The following CDK14 variants were observed in gnomAD, a reference collection of about 807,000 sequenced individuals.
The protein encoded by CDK14 is cyclin dependent kinase 14.
A neutral mutation model predicts 60.7 loss-of-function variants in CDK14; 34 were observed. The ratio of observed to expected loss-of-function variants is 0.56; its 90% CI spans 0.43 to 0.75. The LOEUF (loss-of-function observed/expected upper bound fraction) is 0.75, where lower values mean the gene tolerates loss of function less well. CDK14 is among the 30% of genes least tolerant of loss of function. The pLI is 0.00. For missense variants in CDK14, 482 were observed against 564.1 expected, an observed-to-expected ratio of 0.85 and a Z score of 1.47; for synonymous variants, 197 against 203.7, an observed-to-expected ratio of 0.97 and a Z score of 0.28.
intron 14 of CDK14, among the ~76,000 whole-genome samples, chr7:91,199,737 C>T (rs1287889301): frequency 6.6e-6 from 1 of 152,152 alleles, no homozygotes; most frequent in East Asian, 1.9e-4. Flanking sequence ...TGGCATGAAG[C>T]TTAAAATGTG....
At chr7:91,084,481 C>T (rs1798573530) in intron 12 of CDK14, among the ~76,000 whole-genome samples, 1 of 152,230 alleles carries the variant, frequency 6.6e-6, no homozygotes, top group African/African-American at 2.4e-5. Flanking sequence ...CCAGAGATGA[C>T]AGGCCTGCCT....
intron 4 of CDK14, among the ~76,000 whole-genome samples, chr7:90,770,241 A>T (rs1479466144): frequency 6.6e-6 from 1 of 152,242 alleles, no homozygotes; most frequent in Non-Finnish European, 1.5e-5. Flanking sequence ...TCAGGTTTTC[A>T]AATAATTACA....
intron 9 of CDK14, among the ~76,000 whole-genome samples, chr7:90,968,089 T>A (rs1238964020): frequency 1.3e-5 from 2 of 152,228 alleles, no homozygotes; most frequent in Non-Finnish European, 2.9e-5. Flanking sequence ...TAATTAACAA[T>A]CACAGTTTCA....
chr7:90,606,228 A>G (rs1172822000), intron 2 of CDK14, among the ~76,000 whole-genome samples: 4 of 152,250 alleles, frequency 2.6e-5, no homozygotes, highest in Non-Finnish European at 5.9e-5. Flanking sequence ...ACTCAAGGCC[A>G]GAAAATCTTG....
At chr7:91,005,085 G>A (rs1434019310) in intron 10 of CDK14, among the ~76,000 whole-genome samples, 1 of 152,204 alleles carries the variant, frequency 6.6e-6, no homozygotes, top group Admixed American at 6.5e-5. Context: ...CATAGCAGCA[G>A]GACAGAGGCT....
At chr7:91,053,183 A>G (rs1298089430) in intron 11 of CDK14, among the ~76,000 whole-genome samples, 1 of 152,220 alleles carries the variant, frequency 6.6e-6, no homozygotes, top group Non-Finnish European at 1.5e-5. Flanking sequence ...AAGCATTTTA[A>G]TATATTATCT....
intron 12 of CDK14, among the ~76,000 whole-genome samples, chr7:91,086,660 GGTGTGTGTGT>G (rs149008629): frequency 2.0e-5 from 3 of 149,208 alleles, no homozygotes; most frequent in Non-Finnish European, 4.5e-5. Flanking sequence ...GGCCCCTGTG[GGTGTGTGTGT>G]GTGTGTGTGT....
At chr7:91,129,239 G>T (rs1195250007) in intron 14 of CDK14, among the ~76,000 whole-genome samples, 1 of 152,154 alleles carries the variant, frequency 6.6e-6, no homozygotes, top group Non-Finnish European at 1.5e-5. Flanking sequence ...AAAAGCAATG[G>T]AGGGTAAAAC....
chr7:90,778,727 C>T (rs1242979507), intron 4 of CDK14, among the ~76,000 whole-genome samples: 1 of 152,056 alleles, frequency 6.6e-6, no homozygotes, highest in Non-Finnish European at 1.5e-5. Context: ...TAACACATCA[C>T]ATTCTCACCC....
intron 5 of CDK14, among the ~76,000 whole-genome samples, chr7:90,795,333 T>C (rs551694746): frequency 6.6e-6 from 1 of 152,278 alleles, no homozygotes; most frequent in South Asian, 2.1e-4. Context: ...ATGCTGATTC[T>C]GTACATAGAT....
intron 11 of CDK14, among the ~76,000 whole-genome samples, chr7:91,047,638 CA>C (rs1797276388): frequency 6.6e-6 from 1 of 152,142 alleles, no homozygotes; most frequent in African/African-American, 2.4e-5. Context: ...GTAAGCCCCA[CA>C]ACAGACACAT....
intron 9 of CDK14, among the ~76,000 whole-genome samples, chr7:90,981,360 A>G (rs1795222455): frequency 6.6e-6 from 1 of 152,198 alleles, no homozygotes; most frequent in Non-Finnish European, 1.5e-5. Context: ...AAACCCATCT[A>G]CCTAGAACAC....
At chr7:90,995,125 A>C (rs148042830) in intron 10 of CDK14, among the ~76,000 whole-genome samples, 1 of 152,214 alleles carries the variant, frequency 6.6e-6, no homozygotes, top group Admixed American at 6.5e-5. Flanking sequence ...GAATATGGCA[A>C]AAATGATGGG....
chr7:91,098,650 G>A (rs1423525631), intron 12 of CDK14, among the ~76,000 whole-genome samples: 7 of 151,930 alleles, frequency 4.6e-5, no homozygotes, highest in Admixed American at 4.6e-4. Context: ...TATTATCTTG[G>A]ATCATGTCCA....
At chr7:90,861,767 G>T (rs1255351945) in intron 5 of CDK14, among the ~76,000 whole-genome samples, 1 of 152,072 alleles carries the variant, frequency 6.6e-6, no homozygotes, top group African/African-American at 2.4e-5. Flanking sequence ...AGAGGGCAAA[G>T]GTGACAGAAA....
chr7:90,859,903 A>G (rs1374858995), intron 5 of CDK14, among the ~76,000 whole-genome samples: 1 of 152,172 alleles, frequency 6.6e-6, no homozygotes, highest in African/African-American at 2.4e-5. Flanking sequence ...ATGAATTACT[A>G]CAAGTTATTG....
chr7:91,053,873 A>C (rs1478223199), intron 11 of CDK14, among the ~76,000 whole-genome samples: 5 of 152,066 alleles, frequency 3.3e-5, no homozygotes, highest in African/African-American at 9.7e-5. Flanking sequence ...GAGGCCTGTG[A>C]AGTGCTGAGA....
intron 14 of CDK14, 126 bp downstream of exon 14, chr7:91,118,334 TC>T: frequency 1.9e-6 from 1 of 533,550 alleles, no homozygotes; most frequent in Non-Finnish European, 3.3e-6. Flanking sequence ...ATTATGGCAT[TC>T]ATCAGACCTA....
chr7:90,646,777 T>C (rs932634650), intron 2 of CDK14, among the ~76,000 whole-genome samples: 2 of 152,224 alleles, frequency 1.3e-5, no homozygotes, highest in Non-Finnish European at 2.9e-5. Flanking sequence ...CGTATGGATG[T>C]ACTATAATTT....
Sources: gnomAD v4.1 joint callset for allele counts (sites outside exome capture counted in the v4.1 genomes callset) on GRCh38, gnomAD v4.1.1 for gene constraint, MANE v1.5 for transcripts, NCBI Gene and HGNC (gene_info 2026-07-23, HGNC 2026-07-21) for gene names.